The following TENM3 variants were observed in gnomAD, a reference collection of about 807,000 sequenced individuals.
TENM3 encodes teneurin-3.
TENM3 carries 63 observed loss-of-function variants against 255.1 expected under a neutral mutation model. The ratio of observed to expected loss-of-function variants is 0.25; its 90% CI spans 0.20 to 0.30. TENM3 has a LOEUF of 0.30. Ranked by LOEUF, TENM3 falls within the 10% of genes least tolerant of loss-of-function variation. TENM3 has a pLI of 1.00. For missense variants in TENM3, 2,929 were observed against 3,461.1 expected, an observed-to-expected ratio of 0.85 and a Z score of 3.86; for synonymous variants, 1,306 against 1,322.3, an observed-to-expected ratio of 0.99 and a Z score of 0.27.
chr4:182,704,856 CACTT>C (rs1758159144), intron 12 of TENM3, among the ~76,000 whole-genome samples: 1 of 146,266 alleles, frequency 6.8e-6, no homozygotes, highest in Admixed American at 6.8e-5. Flanking sequence ...GACACCACCT[CACTT>C]ACTAGTTGGT....
chr4:182,363,835 G>C (rs1580303565), intron 3 of TENM3, among the ~76,000 whole-genome samples: 1 of 152,024 alleles, frequency 6.6e-6, no homozygotes, highest in South Asian at 2.1e-4. Flanking sequence ...GGTTAATATA[G>C]GAGTGTTAAT....
chr4:181,470,396 C>A, the TENM3 span, among the ~76,000 whole-genome samples: 11 of 152,196 alleles, frequency 7.2e-5, no homozygotes, highest in East Asian at 2.1e-3. Context: ...ACACTATGTG[C>A]TTGATGATAA....
chr4:182,478,750 TA>T (rs1419367875), intron 3 of TENM3, among the ~76,000 whole-genome samples: 1 of 152,048 alleles, frequency 6.6e-6, no homozygotes, highest in Non-Finnish European at 1.5e-5. Context: ...CAAACCTGGG[TA>T]AATTTATCTT....
At chr4:182,447,715 G>T (rs1773043819) in intron 3 of TENM3, among the ~76,000 whole-genome samples, 1 of 152,144 alleles carries the variant, frequency 6.6e-6, no homozygotes, top group Admixed American at 6.5e-5. Context: ...GTTGATACTG[G>T]TATTGTGATG....
chr4:182,586,755 A>G (rs1261677615), intron 3 of TENM3, among the ~76,000 whole-genome samples: 2 of 152,210 alleles, frequency 1.3e-5, no homozygotes, highest in Non-Finnish European at 2.9e-5. Context: ...CTATGACTGG[A>G]AGGACACTTA....
chr4:182,786,546 G>T (rs1381888835), intron 24 of TENM3, among the ~76,000 whole-genome samples: 1 of 134,986 alleles, frequency 7.4e-6, no homozygotes, highest in East Asian at 2.1e-4. Context: ...GACAGAGTGA[G>T]ACCCCGTCTT....
At chr4:182,236,249 T>G (rs1474815164) in intron 1 of TENM3, among the ~76,000 whole-genome samples, 3 of 152,228 alleles carry the variant, frequency 2.0e-5, no homozygotes, top group African/African-American at 7.2e-5. Flanking sequence ...TTACACTGAA[T>G]AAGACATCAT....
In TENM3 at chr4:182,517,453, G is replaced by T. The variant is rs1479136597; in HGVS notation, c.512-83471G>T. On this transcript the variant is annotated intron_variant, in intron 3 of 27. Transcript: ENST00000511685. ...GGCTGGAGTGCAGTGGTGCGATCTC[G>T]GCTCGCTGCAAGCTCCGCCTCCCGG... is the stretch of plus-strand genomic sequence containing the variant. 1.6e-5 allele frequency among the ~76,000 whole-genome samples: 2 copies of T among 125,686 alleles called. 1 individual carries two copies. The highest frequency in any genetic ancestry group is 1.6e-4 in the Admixed American group (2 of 12,154). 82.5% of individuals were successfully genotyped at this position (125,686 alleles called of 152,430 possible).
At chr4:181,796,901 A>G in the TENM3 span, among the ~76,000 whole-genome samples, 1 of 152,106 alleles carries the variant, frequency 6.6e-6, no homozygotes. Flanking sequence ...TTCTTACGTC[A>G]TGTCAGAGCA....
chr4:181,498,857 G>A, the TENM3 span, among the ~76,000 whole-genome samples: 41 of 152,242 alleles, frequency 2.7e-4, no homozygotes, highest in East Asian at 5.6e-3. Flanking sequence ...TTAGTAAGGC[G>A]TTAACTAGGA....
the TENM3 span, among the ~76,000 whole-genome samples, chr4:181,854,286 C>T: frequency 5.3e-5 from 8 of 152,158 alleles, no homozygotes; most frequent in Non-Finnish European, 1.0e-4. Flanking sequence ...CTCCTAAGAG[C>T]ATTACAGCCT....
intron 6 of TENM3, among the ~76,000 whole-genome samples, chr4:182,658,216 G>C (rs17073721): frequency 0.047 from 7,149 of 152,224 alleles, 281 homozygotes; most frequent in East Asian, 0.13. Context: ...CCCTCCTGTT[G>C]CAATAGTCTT....
At chr4:181,737,541 GA>G in the TENM3 span, among the ~76,000 whole-genome samples, 3 of 151,898 alleles carry the variant, frequency 2.0e-5, no homozygotes, top group African/African-American at 7.3e-5. Flanking sequence ...TCTTCAGGGG[GA>G]AAAAAACGCT....
At chr4:181,620,833 A>T in the TENM3 span, among the ~76,000 whole-genome samples, 1 of 152,152 alleles carries the variant, frequency 6.6e-6, no homozygotes. Context: ...GTGAACTGTT[A>T]TTATGTATCC....
intron 2 of TENM3, among the ~76,000 whole-genome samples, chr4:182,343,694 T>C (rs935137699): frequency 7.0e-6 from 1 of 142,598 alleles, no homozygotes. Context: ...CTCTATTCTC[T>C]CCATCTTCCC....
At chr4:182,246,764 T>G (rs1757682020) in intron 1 of TENM3, among the ~76,000 whole-genome samples, 1 of 152,346 alleles carries the variant, frequency 6.6e-6, no homozygotes, top group East Asian at 1.9e-4. Flanking sequence ...CCTCTCGTCC[T>G]TCGCTTTGCC....
intron 12 of TENM3, among the ~76,000 whole-genome samples, chr4:182,693,766 A>T (rs1757182239): frequency 1.3e-5 from 2 of 152,218 alleles, no homozygotes; most frequent in African/African-American, 4.8e-5. Context: ...AACCTGTTTT[A>T]TATGAAATGT....
At chr4:181,883,472 AT>A in the TENM3 span, among the ~76,000 whole-genome samples, 1 of 152,010 alleles carries the variant, frequency 6.6e-6, no homozygotes, top group African/African-American at 2.4e-5. Context: ...GCAATGTACA[AT>A]TTTTTTGTTG....
At chr4:182,100,046 T>G in the TENM3 span, among the ~76,000 whole-genome samples, 1 of 152,092 alleles carries the variant, frequency 6.6e-6, no homozygotes, top group Non-Finnish European at 1.5e-5. Flanking sequence ...CAACTGCAGG[T>G]AAGTTACGTA....
Sources: allele counts gnomAD v4.1 joint callset (sites outside exome capture counted in the v4.1 genomes callset), GRCh38; gene constraint gnomAD v4.1.1; transcripts MANE v1.5; gene names NCBI Gene and HGNC (gene_info 2026-07-23, HGNC 2026-07-21).